Variants in PSEN1 observed in about 807,000 individuals in gnomAD.
The protein encoded by PSEN1 is presenilin 1, also known as presenilin-1.
A neutral mutation model predicts 53.5 loss-of-function variants in PSEN1; 15 were observed. That is an observed-to-expected ratio of 0.28 (90% confidence interval 0.19 to 0.43). PSEN1 has a LOEUF of 0.43. PSEN1 is among the 20% of genes least tolerant of loss of function. The probability of loss-of-function intolerance (pLI) is 1.00; values close to 1 mark genes in which losing one functional copy is unlikely to be tolerated. For synonymous variants in PSEN1, 208 were observed against 209.8 expected, an observed-to-expected ratio of 0.99 and a Z score of 0.08; for missense variants, 387 against 571.2, an observed-to-expected ratio of 0.68 and a Z score of 3.29.
chr14:73,186,651 C>T (rs995527881), intron 5 of PSEN1, among the ~76,000 whole-genome samples: 3 of 151,990 alleles, frequency 2.0e-5, no homozygotes, highest in East Asian at 3.9e-4. Context: ...GTGGCGCGCA[C>T]GCGTGGTTCC....
intron 8 of PSEN1, among the ~76,000 whole-genome samples, chr14:73,203,471 G>A (rs1052781463): frequency 1.3e-5 from 2 of 152,020 alleles, no homozygotes; most frequent in South Asian, 2.1e-4. Context: ...AAACCACAAC[G>A]CAATGCCGAT....
chr14:73,198,884 C>T (rs1206753828), intron 8 of PSEN1, among the ~76,000 whole-genome samples: 2 of 152,132 alleles, frequency 1.3e-5, no homozygotes, highest in Non-Finnish European at 1.5e-5. Flanking sequence ...GGTGATCCAC[C>T]CACCTCAGCC....
intron 8 of PSEN1, among the ~76,000 whole-genome samples, chr14:73,199,014 A>G (rs1899069906): frequency 6.6e-6 from 1 of 152,078 alleles, no homozygotes; most frequent in African/African-American, 2.4e-5. Context: ...GGCTTAAGCG[A>G]TCCTCCTGCC....
chr14:73,189,455 AC>A (rs2140086158), intron 6 of PSEN1, among the ~76,000 whole-genome samples: 1 of 152,192 alleles, frequency 6.6e-6, no homozygotes, highest in South Asian at 2.1e-4. Context: ...TACTAAAAAT[AC>A]AAAAAATTAG....
rs1471043073 is a variant in PSEN1 at position 73,158,935 on chromosome 14, G to A, written c.87+10829G>A. On this transcript the variant is annotated intron_variant, in intron 3 of 11. Transcript: ENST00000324501. The stretch of plus-strand genomic sequence containing the variant: ...AAGGTATATAGTTACATCTCATTTT[G>A]GTTTTAATTTACATTTCTCTATTGA... Among the ~76,000 whole-genome samples the A allele has an allele frequency of 2.0e-5, 3 of 151,906 alleles. No individual in the cohort carries two copies. In the East Asian group the frequency reaches 5.8e-4, roughly 29 times the overall value.
At chr14:73,214,525 C>A (rs1456659102) in intron 10 of PSEN1, among the ~76,000 whole-genome samples, 5 of 131,512 alleles carry the variant, frequency 3.8e-5, no homozygotes, top group African/African-American at 1.2e-4. Flanking sequence ...AGCGAAACTC[C>A]ATCTCAAAAA....
At chr14:73,185,035 T>C (rs1898441042) in intron 5 of PSEN1, among the ~76,000 whole-genome samples, 1 of 149,536 alleles carries the variant, frequency 6.7e-6, no homozygotes, top group Non-Finnish European at 1.5e-5. Flanking sequence ...GCTCCTCACT[T>C]CCTAGATGTG....
chr14:73,188,363 A>G (rs532981113), intron 6 of PSEN1, among the ~76,000 whole-genome samples: 1 of 152,320 alleles, frequency 6.6e-6, no homozygotes, highest in Admixed American at 6.5e-5. Context: ...TTCCTTAATA[A>G]ATAGACGGGG....
intron 8 of PSEN1, among the ~76,000 whole-genome samples, chr14:73,202,124 A>C (rs1899213829): frequency 6.6e-6 from 1 of 151,806 alleles, no homozygotes; most frequent in Non-Finnish European, 1.5e-5. Context: ...AGCTCACTGC[A>C]ACCTCCATCT....
At chr14:73,169,106 C>G (rs2140032372) in intron 3 of PSEN1, 1 of 152,334 alleles carries the variant, frequency 6.6e-6, no homozygotes, top group Admixed American at 6.5e-5. Context: ...CACTGTTTTA[C>G]TTTTGTAAAA....
chr14:73,141,815 C>T (rs2140494302), intron 1 of PSEN1, among the ~76,000 whole-genome samples: 1 of 151,760 alleles, frequency 6.6e-6, no homozygotes, highest in Non-Finnish European at 1.5e-5. Context: ...CGCCTGTAAT[C>T]CCAGCACTTT....
At chr14:73,193,406 G>A (rs1004353251) in intron 7 of PSEN1, among the ~76,000 whole-genome samples, 13 of 151,680 alleles carry the variant, frequency 8.6e-5, no homozygotes, top group Admixed American at 2.6e-4. Flanking sequence ...TTAGCTGGGT[G>A]TGGTGGCGTA....
chr14:73,186,899 T>G lies in PSEN1; in HGVS notation c.527T>G (p.Phe176Cys), dbSNP rs1335871359. 1 of 1,613,832 alleles carries G rather than the reference T, an allele frequency of 6.2e-7. No individual in the cohort carries two copies. Among genetic ancestry groups the G allele is most frequent in the South Asian group, 1.1e-5 (1 of 91,080 alleles). ...ATATCATCTCTATTGTTGCTGTTCT[T>G]TTTTTCATTCATTTACTTGGGGTAA... Reference protein sequence around the residue: ...LIISSLLLLFFFSFIYLGEVF... With the variant: ...LIISSLLLLFCFSFIYLGEVF... The change falls in exon 6 of 12, where the codon TTT (phenylalanine) becomes TGT (cysteine). Residue 176 changes from phenylalanine to cysteine, a missense_variant. Coordinates refer to ENST00000324501, the MANE Select transcript of PSEN1 (RefSeq NM_000021.4).
At chr14:73,173,525 A>G in intron 4 of PSEN1, 41 bp from the exon 5 acceptor site, 4 of 1,606,762 alleles carry the variant, frequency 2.5e-6, no homozygotes, top group Non-Finnish European at 3.4e-6. Context: ...GGTGATCTCC[A>G]TTAACACTGA....
At chr14:73,143,900 G>A (rs1384966543) in intron 1 of PSEN1, among the ~76,000 whole-genome samples, 3 of 149,716 alleles carry the variant, frequency 2.0e-5, no homozygotes, top group African/African-American at 7.4e-5. Flanking sequence ...GAGGTGGGAG[G>A]ATCGACTGAG....
intron 7 of PSEN1, among the ~76,000 whole-genome samples, chr14:73,194,361 A>G (rs1040713297): frequency 5.9e-5 from 9 of 151,876 alleles, no homozygotes; most frequent in Non-Finnish European, 1.2e-4. Flanking sequence ...GGCTCAAACA[A>G]TCCTCCCACC....
At chr14:73,215,794 A>G (rs1218665576) in intron 10 of PSEN1, among the ~76,000 whole-genome samples, 1 of 152,252 alleles carries the variant, frequency 6.6e-6, no homozygotes, top group Admixed American at 6.5e-5. Flanking sequence ...AAGGCTAACA[A>G]TACCAAGAGC....
chr14:73,202,865 T>A (rs1343053457), intron 8 of PSEN1, among the ~76,000 whole-genome samples: 1 of 152,134 alleles, frequency 6.6e-6, no homozygotes, highest in Non-Finnish European at 1.5e-5. Context: ...TTGCATGTAT[T>A]TTTTTAAAAG....
Position 73,211,839 on chromosome 14 carries a change from C to A in PSEN1, c.1026C>A (p.Ala342=). 6.2e-7 allele frequency: 1 copy of A among 1,613,920 alleles called. No homozygotes were observed. Among genetic ancestry groups the A allele is most frequent in the Non-Finnish European group, 8.5e-7 (1 of 1,179,980 alleles). The change falls in exon 10 of 12, where the codon GCC becomes GCA. Residue 342 remains alanine, a synonymous_variant. Coordinates refer to ENST00000324501, the MANE Select transcript of PSEN1 (RefSeq NM_000021.4). Reference sequence around the variant, plus strand: ...GCGGGTTCAGTGAGGAATGGGAAGCCCAGAGGGACAGTCATCTAGGGCCTC... The same window carrying A: ...GCGGGTTCAGTGAGGAATGGGAAGCACAGAGGGACAGTCATCTAGGGCCTC... ...DDGGFSEEWE[A]QRDSHLGPHR...
Sources: allele counts gnomAD v4.1 joint callset (sites outside exome capture counted in the v4.1 genomes callset), GRCh38; gene constraint gnomAD v4.1.1; transcripts MANE v1.5; gene names NCBI Gene and HGNC (gene_info 2026-07-23, HGNC 2026-07-21).